The following CHRNA9 variants were observed in gnomAD, a reference collection of about 807,000 sequenced individuals.
The protein encoded by CHRNA9 is neuronal acetylcholine receptor subunit alpha-9.
In CHRNA9, 24 loss-of-function variants were observed where a neutral mutation model predicts 36.8. The ratio of observed to expected loss-of-function variants is 0.65; its 90% confidence interval spans 0.47 to 0.92. CHRNA9 has a LOEUF of 0.92. CHRNA9 is among the 40% of genes least tolerant of loss of function. CHRNA9 has a pLI of 0.00. For synonymous variants in CHRNA9, 231 were observed against 231.8 expected (o/e 1.00, Z 0.03); for missense variants, 610 against 601.2 (o/e 1.01, Z -0.15).
intron 3 of CHRNA9, among the ~76,000 whole-genome samples, chr4:40,342,914 G>A (rs1315980830): frequency 6.6e-6 from 1 of 152,132 alleles, no homozygotes; most frequent in Non-Finnish European, 1.5e-5. Context: ...CAGAAGGGAA[G>A]TTAGCCAGGA....
intron 3 of CHRNA9, among the ~76,000 whole-genome samples, chr4:40,339,895 G>T (rs911523208): frequency 6.6e-6 from 1 of 151,804 alleles, no homozygotes; most frequent in African/African-American, 2.4e-5. Flanking sequence ...TCGAACTCCT[G>T]GGCTCAAGTG....
chr4:40,340,234 G>A (rs1032917258), intron 3 of CHRNA9, among the ~76,000 whole-genome samples: 14 of 152,036 alleles, frequency 9.2e-5, no homozygotes, highest in Non-Finnish European at 7.3e-5. Context: ...TTTACACAGA[G>A]CCTTTCACCA....
At chr4:40,351,118 A>G (rs1712794529) in intron 4 of CHRNA9, among the ~76,000 whole-genome samples, 1 of 151,530 alleles carries the variant, frequency 6.6e-6, no homozygotes, top group Non-Finnish European at 1.5e-5. Context: ...CAGGCAGATC[A>G]CCTGAGGTCA....
Position 40,338,768 on chromosome 4 carries a change from A to G in CHRNA9, c.365+1404A>G, listed in dbSNP as rs1388643815. Among the ~76,000 whole-genome samples the G allele has an allele frequency of 3.9e-5, 6 of 152,212 alleles. No individual in the cohort carries two copies. In the East Asian group the frequency reaches 7.7e-4, roughly 20 times the overall value. On this transcript the variant is annotated intron_variant, in intron 3 of 4. Transcript: ENST00000310169. The stretch of plus-strand genomic sequence containing the variant: ...TCTGTATTCCTTCCCAAGGAATATA[A>G]CAGGAAGATAACATTCAAATACTGG...
chr4:40,348,437 T>G (rs1194824873), intron 3 of CHRNA9, among the ~76,000 whole-genome samples: 1 of 152,234 alleles, frequency 6.6e-6, no homozygotes, highest in African/African-American at 2.4e-5. Context: ...CAAATAAACA[T>G]GTACAACTTT....
At chr4:40,352,175 AAC>A (rs1409791692) in intron 4 of CHRNA9, among the ~76,000 whole-genome samples, 1 of 152,210 alleles carries the variant, frequency 6.6e-6, no homozygotes, top group African/African-American at 2.4e-5. Flanking sequence ...TTTGACATCT[AAC>A]ATTTTTCCAG....
intron 3 of CHRNA9, among the ~76,000 whole-genome samples, chr4:40,344,536 GA>G (rs11368849): frequency 1.3e-3 from 181 of 138,000 alleles, no homozygotes; most frequent in Admixed American, 4.9e-3. Context: ...GCCATCTCAA[GA>G]AAAAAAAAAA....
intron 4 of CHRNA9, among the ~76,000 whole-genome samples, chr4:40,350,823 T>C (rs1712780847): frequency 6.6e-6 from 1 of 151,940 alleles, no homozygotes; most frequent in Admixed American, 6.6e-5. Context: ...CAGAAATGAT[T>C]GGCAGTGATG....
chr4:40,337,203 T>C lies in CHRNA9; in HGVS notation c.211-7T>C, dbSNP rs1273784255. 1 of 1,613,582 alleles carries C rather than the reference T, an allele frequency of 6.2e-7. No individual in the cohort carries two copies. Among genetic ancestry groups the C allele is most frequent in the Non-Finnish European group, 8.5e-7 (1 of 1,179,660 alleles). On this transcript the variant is annotated splice_region_variant and splice_polypyrimidine_tract_variant and intron_variant, in intron 2 of 4. Coordinates refer to ENST00000310169, the MANE Select transcript of CHRNA9 (RefSeq NM_017581.4). ...TAGGTAAAGCGACATCTGGATTCAT[T>C]GTGTAGGATGAAAGAAACCAAATTC...
chr4:40,337,369 G>A lies in CHRNA9; in HGVS notation c.365+5G>A, dbSNP rs779221626. The A allele has an allele frequency of 6.2e-6, 10 of 1,613,166 alleles. No homozygotes were observed. The highest frequency in any genetic ancestry group is 1.7e-5 in the Admixed American group (1 of 59,960). Reference sequence around the variant, plus strand: ...AGACATCGTCTTATATAACAAGTAAGTGCAGCTCAGAACTGAGGCTTTTCA... The same window carrying A: ...AGACATCGTCTTATATAACAAGTAAATGCAGCTCAGAACTGAGGCTTTTCA... On this transcript the variant is annotated splice_donor_5th_base_variant and intron_variant, in intron 3 of 4. Transcript: ENST00000310169.
chr4:40,342,997 G>A (rs577350147), intron 3 of CHRNA9, among the ~76,000 whole-genome samples: 1 of 152,216 alleles, frequency 6.6e-6, no homozygotes, highest in East Asian at 1.9e-4. Flanking sequence ...CATTGGAGAT[G>A]GAACGAGGAA....
intron 2 of CHRNA9, among the ~76,000 whole-genome samples, chr4:40,336,721 T>A (rs774346772): frequency 4.6e-5 from 7 of 152,006 alleles, no homozygotes; most frequent in African/African-American, 1.7e-4. Flanking sequence ...ACCTCATGAT[T>A]CGCCCGCCTC....
chr4:40,340,422 A>G (rs1320589114), intron 3 of CHRNA9, among the ~76,000 whole-genome samples: 1 of 152,200 alleles, frequency 6.6e-6, no homozygotes, highest in Non-Finnish European at 1.5e-5. Context: ...GTTGGATGAC[A>G]TCTTCATGCC....
At chr4:40,339,137 G>C (rs1355892589) in intron 3 of CHRNA9, among the ~76,000 whole-genome samples, 1 of 151,790 alleles carries the variant, frequency 6.6e-6, no homozygotes, top group Non-Finnish European at 1.5e-5. Context: ...AAATCAGCTG[G>C]GTGTGGTGGC....
Position 40,335,405 on chromosome 4 carries a change from A to T in CHRNA9, c.-63A>T. On this transcript the variant is annotated 5_prime_UTR_variant, in exon 1 of 5. Transcript: ENST00000310169. ...CCTTGTGCCCAGATCCTTTGTATTC[A>T]TAGGGGGAAGTGGAAGACCACGCTG... 1.6e-6 allele frequency: 2 copies of T among 1,239,956 alleles called. No homozygotes were observed. Among genetic ancestry groups the T allele is most frequent in the South Asian group, 2.4e-5 (2 of 83,508 alleles). 76.8% of individuals were successfully genotyped at this position (1,239,956 alleles called of 1,614,324 possible). A position where few individuals can be genotyped will look rare whatever the true frequency, so the allele number is the denominator to read the frequency against.
chr4:40,346,107 C>T (rs1712631222), intron 3 of CHRNA9, among the ~76,000 whole-genome samples: 1 of 152,230 alleles, frequency 6.6e-6, no homozygotes. Flanking sequence ...TCAGCAGGTT[C>T]CCTTGCCCTT....
At chr4:40,347,770 T>C (rs2109685828) in intron 3 of CHRNA9, 1 of 152,244 alleles carries the variant, frequency 6.6e-6, no homozygotes, top group East Asian at 1.9e-4. Flanking sequence ...TCCATGAATG[T>C]ACTTTTTCTG....
chr4:40,335,757 G>A (rs999240207), intron 1 of CHRNA9, 70 bp from the exon 2 acceptor site: 14 of 1,481,610 alleles, frequency 9.4e-6, no homozygotes, highest in Non-Finnish European at 1.3e-5. Context: ...TTAGACCTCA[G>A]TCTTGTGTTG....
chr4:40,354,374 G>A lies in CHRNA9; in HGVS notation c.1294G>A (p.Ala432Thr), dbSNP rs142807401. 51 of 1,614,056 alleles carry A rather than the reference G, an allele frequency of 3.2e-5. No individual in the cohort carries two copies. The African/African-American group carries it at 5.3e-4, about 17-fold the overall frequency. ...GCTGACGAGGAATATTGAGTACATC[G>A]CCAAGTGCCTCAAAGACCACAAGGC... ...KVLTRNIEYI[A>T]KCLKDHKATN... The change falls in exon 5 of 5, where the codon GCC (alanine) becomes ACC (threonine). Residue 432 changes from alanine to threonine, a missense_variant. Transcript: ENST00000310169.
Sources: gnomAD v4.1 joint callset for allele counts (sites outside exome capture counted in the v4.1 genomes callset) on GRCh38, gnomAD v4.1.1 for gene constraint, MANE v1.5 for transcripts, NCBI Gene and HGNC (gene_info 2026-07-23, HGNC 2026-07-21) for gene names.